The following CARS1 variants were observed in gnomAD, a reference collection of about 807,000 sequenced individuals.
The protein encoded by CARS1 is cysteinyl-tRNA synthetase 1.
CARS1 carries 48 observed loss-of-function variants against 106.2 expected under a neutral mutation model. That is an observed-to-expected ratio of 0.45 (90% CI 0.36 to 0.57). CARS1 has a LOEUF of 0.57. Ranked by LOEUF, CARS1 falls within the 20% of genes least tolerant of loss-of-function variation. The pLI, the probability that CARS1 is intolerant of heterozygous loss-of-function variation, is 0.00. For synonymous variants in CARS1, 409 were observed against 403.4 expected (o/e 1.01, Z -0.17); for missense variants, 968 against 1,057.2 (o/e 0.92, Z 1.17).
rs773313001 is a variant in CARS1, at chr11:3,047,938, T to G, written c.89A>C (p.Glu30Ala). ...GACATAGCTACGCGTGCTGAGGTGC[T>G]CGTTCAGGGCTTGTGCCCTGGCTGC... ...DEAARAQALN[E>A]HLSTRSYVQG... The change falls in exon 2 of 23, where the codon GAG becomes GCG. Residue 30 changes from glutamate (E) to alanine (A), a missense_variant. Transcript: ENST00000380525. 1.2e-6 allele frequency: 2 copies of G among 1,614,160 alleles called. No homozygotes were observed. The highest frequency in any genetic ancestry group is 1.7e-6 in the Non-Finnish European group (2 of 1,180,022).
intron 7 of CARS1, among the ~76,000 whole-genome samples, chr11:3,032,494 T>G (rs1034261777): frequency 3.3e-5 from 5 of 152,176 alleles, no homozygotes; most frequent in African/African-American, 9.7e-5. Flanking sequence ...CCTGGCAAAC[T>G]GTGTTGGAAA....
chr11:3,036,220 T>C (rs1025470211), intron 7 of CARS1, among the ~76,000 whole-genome samples: 1 of 152,232 alleles, frequency 6.6e-6, no homozygotes, highest in African/African-American at 2.4e-5. Context: ...CCTCGCTGTG[T>C]CACTGCTACA....
intron 7 of CARS1, among the ~76,000 whole-genome samples, chr11:3,032,962 G>A (rs893519847): frequency 8.6e-5 from 13 of 151,848 alleles, no homozygotes; most frequent in South Asian, 2.1e-4. Context: ...TGGTGGGTGC[G>A]GATGCTGGGG....
Position 3,017,957 on chromosome 11 carries a change from G to C in CARS1, c.1630-3C>G. ...TCTTTCACATTTAAGAAAAACTCCT[G>C]AAGTTAGAAAAATCAGTTTAACAGC... On this transcript the variant is annotated splice_region_variant and splice_polypyrimidine_tract_variant and intron_variant, in intron 14 of 22. Coordinates refer to ENST00000380525, the MANE Select transcript of CARS1 (RefSeq NM_001014437.3). The surrounding 1 kb of genome is among the most constrained non-coding windows in gnomAD (Gnocchi z 4.9). 1 of 1,606,942 alleles carries C rather than the reference G, an allele frequency of 6.2e-7. No homozygotes were observed. Among genetic ancestry groups the C allele is most frequent in the Non-Finnish European group, 8.5e-7 (1 of 1,174,402 alleles).
intron 1 of CARS1, among the ~76,000 whole-genome samples, chr11:3,055,985 G>T (rs931380529): frequency 1.3e-5 from 2 of 152,316 alleles, no homozygotes; most frequent in South Asian, 4.1e-4. Flanking sequence ...TGTTTTACAG[G>T]AATCTGGGTG....
In CARS1 at chr11:3,022,519, C is replaced by T. The variant is rs771236294; in HGVS notation, c.1154-2187G>A. ...TCTTCTACGGCAACCCCTGGTATCC[C>T]GGTATACTGACTCGCTGTGCATTGG... On this transcript the variant is annotated intron_variant, in intron 10 of 22. Coordinates refer to ENST00000380525, the MANE Select transcript of CARS1 (RefSeq NM_001014437.3). This position sits in a 1 kb window ranked among gnomAD's most constrained non-coding sequence, Gnocchi z 4.9. Among the ~76,000 whole-genome samples the T allele has an allele frequency of 2.0e-5, 3 of 152,198 alleles. No homozygotes were observed.
rs546837792 is a variant in CARS1 at position 3,038,953 on chromosome 11, G to C, written c.651+241C>G. Among the ~76,000 whole-genome samples, 4 of 152,340 alleles carry C rather than the reference G, an allele frequency of 2.6e-5. No homozygotes were observed. The East Asian group carries it at 5.8e-4, about 22-fold the overall frequency. On this transcript the variant is annotated intron_variant, in intron 6 of 22. Coordinates refer to ENST00000380525, the MANE Select transcript of CARS1 (RefSeq NM_001014437.3). The surrounding 1 kb of genome is among the most constrained non-coding windows in gnomAD (Gnocchi z 4.0). ...CTGTGATGAATTCAGTTGTTTTCCT[G>C]TAAGTGGCAGGAATGTCACCTACTC...
chr11:3,032,075 C>T (rs1264704249), intron 7 of CARS1, among the ~76,000 whole-genome samples: 1 of 113,970 alleles, frequency 8.8e-6, no homozygotes, highest in Admixed American at 1.0e-4. Flanking sequence ...TCCTTCCTTC[C>T]TTCCTTCCTT....
intron 17 of CARS1, among the ~76,000 whole-genome samples, chr11:3,013,558 T>C (rs1342037131): frequency 6.6e-6 from 1 of 152,030 alleles, no homozygotes; most frequent in Non-Finnish European, 1.5e-5. Context: ...ATAAAAACAT[T>C]AGCAAGTGCT....
At position 3,019,296 on chromosome 11, in the gene CARS1, AC is replaced by A; in HGVS notation, c.1267-30del. 7.2e-7 allele frequency: 1 copy of A among 1,380,138 alleles called. No individual in the cohort carries two copies. Among genetic ancestry groups the A allele is most frequent in the South Asian group, 2.1e-5 (1 of 48,452 alleles). 85.5% of individuals were successfully genotyped at this position (1,380,138 alleles called of 1,614,324 possible). On this transcript the variant is annotated intron_variant, in intron 11 of 22. Coordinates refer to ENST00000380525, the MANE Select transcript of CARS1 (RefSeq NM_001014437.3). The surrounding 1 kb of genome is among the most constrained non-coding windows in gnomAD (Gnocchi z 6.2). ...GAGAAAGCCGAACACACAGTGACTG[AC>A]CAGCCTACCCGCTTGTCCAGGCCTT...
intron 21 of CARS1, chr11:3,002,266 A>G (rs940200572): frequency 7.7e-6 from 5 of 646,476 alleles, no homozygotes; most frequent in Non-Finnish European, 1.4e-5. Flanking sequence ...GAATAGTGGA[A>G]AGCTTACTAG....
chr11:3,048,114 C>T lies in CARS1; in HGVS notation c.26-113G>A. 7.7e-7 allele frequency: 1 copy of T among 1,302,712 alleles called. No homozygotes were observed. Among genetic ancestry groups the T allele is most frequent in the Non-Finnish European group, 1.0e-6 (1 of 960,962 alleles). 80.7% of individuals were successfully genotyped at this position (1,302,712 alleles called of 1,614,324 possible). A position where few individuals can be genotyped will look rare whatever the true frequency, so the allele number is the denominator to read the frequency against. ...AACCAAGGAAAAAGGTGTTCAAGCCCTTCCCTGGACGCCAAACATCCAGAA... is the reference window on the plus strand; with the variant it reads ...AACCAAGGAAAAAGGTGTTCAAGCCTTTCCCTGGACGCCAAACATCCAGAA... On this transcript the variant is annotated intron_variant, in intron 1 of 22. Transcript: ENST00000380525. This position sits in a 1 kb window ranked among gnomAD's most constrained non-coding sequence, Gnocchi z 5.1.
Position 3,029,234 on chromosome 11 carries a change from C to G in CARS1, c.942+69G>C. On this transcript the variant is annotated intron_variant, in intron 8 of 22. Transcript: ENST00000380525. This position sits in a 1 kb window ranked among gnomAD's most constrained non-coding sequence, Gnocchi z 5.9. ...GGCCGCTTAATTGAGCTGGCCTTGC[C>G]AAAACAGGAATTTAGAAATCAGGGC... is the stretch of plus-strand genomic sequence containing the variant. The G allele has an allele frequency of 6.3e-7, 1 of 1,578,806 alleles. No individual in the cohort carries two copies. Among genetic ancestry groups the G allele is most frequent in the Non-Finnish European group, 8.7e-7 (1 of 1,150,802 alleles).
chr11:3,032,730 T>G (rs532413477), intron 7 of CARS1, among the ~76,000 whole-genome samples: 54 of 152,024 alleles, frequency 3.6e-4, no homozygotes, highest in Non-Finnish European at 7.2e-4. Flanking sequence ...AAAGACTAGC[T>G]GCTGTCAGGA....
chr11:3,017,319 G>A lies in CARS1; in HGVS notation c.1728-24C>T, dbSNP rs1156827367. Reference sequence around the variant, plus strand: ...AGCTGAGCAACAAAGAGGAAGGAATGTGAAGTCAGACCTGAAAACACACCA... The same window carrying A: ...AGCTGAGCAACAAAGAGGAAGGAATATGAAGTCAGACCTGAAAACACACCA... On this transcript the variant is annotated intron_variant, in intron 15 of 22. Transcript: ENST00000380525. The surrounding 1 kb of genome is among the most constrained non-coding windows in gnomAD (Gnocchi z 4.9). 6.2e-7 allele frequency: 1 copy of A among 1,602,620 alleles called. No individual in the cohort carries two copies. The highest frequency in any genetic ancestry group is 1.7e-5 in the Admixed American group (1 of 59,822).
rs1369022266 is a variant in CARS1, at chr11:3,040,315, A to C, written c.456-384T>G. Reference sequence around the variant, plus strand: ...TAGTGGTGAAGTTTTTGGGGAATCAAAAGTTATGTGTGGATTTTCAACTGT... The same window carrying C: ...TAGTGGTGAAGTTTTTGGGGAATCACAAGTTATGTGTGGATTTTCAACTGT... On this transcript the variant is annotated intron_variant, in intron 4 of 22. Coordinates refer to ENST00000380525, the MANE Select transcript of CARS1 (RefSeq NM_001014437.3). This position sits in a 1 kb window ranked among gnomAD's most constrained non-coding sequence, Gnocchi z 5.8. The C allele has an allele frequency of 3.2e-6, 1 of 315,930 alleles. No individual in the cohort carries two copies. The highest frequency in any genetic ancestry group is 2.2e-5 in the African/African-American group (1 of 46,138). 19.6% of individuals were successfully genotyped at this position (315,930 alleles called of 1,614,324 possible).
At position 3,029,473 on chromosome 11, in the gene CARS1, C is replaced by A. The variant is rs878987705; in HGVS notation, c.802-30G>T. Reference sequence around the variant, plus strand: ...AGAGAAAGAAACAAAAATCCAGCAGCGGGCCACACACTTCACATGAGAACA... The same window carrying A: ...AGAGAAAGAAACAAAAATCCAGCAGAGGGCCACACACTTCACATGAGAACA... On this transcript the variant is annotated intron_variant, in intron 7 of 22. Coordinates refer to ENST00000380525, the MANE Select transcript of CARS1 (RefSeq NM_001014437.3). This position sits in a 1 kb window ranked among gnomAD's most constrained non-coding sequence, Gnocchi z 5.9. 6.2e-7 allele frequency: 1 copy of A among 1,609,420 alleles called. No homozygotes were observed. The highest frequency in any genetic ancestry group is 1.3e-5 in the African/African-American group (1 of 74,900).
At chr11:3,036,647 CAT>C (rs1853678089) in intron 7 of CARS1, among the ~76,000 whole-genome samples, 1 of 152,238 alleles carries the variant, frequency 6.6e-6, no homozygotes, top group African/African-American at 2.4e-5. Context: ...AGAATCATCA[CAT>C]GACCCAGCAA....
intron 1 of CARS1, among the ~76,000 whole-genome samples, chr11:3,057,131 C>A (rs1308297198): frequency 1.6e-4 from 24 of 152,228 alleles, no homozygotes; most frequent in Non-Finnish European, 1.9e-4. Context: ...CCCCGCCCCT[C>A]GGACCCAAGG....
Sources: gnomAD v4.1 joint callset for allele counts (sites outside exome capture counted in the v4.1 genomes callset) on GRCh38, gnomAD v4.1.1 for gene constraint, Gnocchi (gnomAD v3.1) non-coding constraint, MANE v1.5 for transcripts, NCBI Gene and HGNC (gene_info 2026-07-23, HGNC 2026-07-21) for gene names.